SUMF1: variants seen among roughly 807,000 people sequenced by gnomAD.
SUMF1 encodes the protein formylglycine-generating enzyme.
Under a neutral mutation model 47.6 loss-of-function variants are expected in SUMF1, and 48 were observed. That is an observed-to-expected ratio of 1.01 (90% CI 0.80 to 1.28). SUMF1 has a LOEUF of 1.28. SUMF1 is among the 50% of genes most tolerant of loss of function. The pLI, the probability that SUMF1 is intolerant of heterozygous loss-of-function variation, is 0.00. For synonymous variants in SUMF1, 230 were observed against 192.1 expected, an observed-to-expected ratio of 1.20 and a Z score of -1.63; for missense variants, 571 against 485.4, an observed-to-expected ratio of 1.18 and a Z score of -1.66.
intron 8 of SUMF1, among the ~76,000 whole-genome samples, chr3:4,217,523 T>TATATA (rs1553610087): frequency 2.1e-5 from 1 of 48,614 alleles, no homozygotes; most frequent in East Asian, 7.0e-4. Flanking sequence ...TTTATATATA[T>TATATA]ATATATATAT....
chr3:4,467,106 G>C lies in SUMF1; in HGVS notation c.140C>G (p.Ala47Gly), dbSNP rs779961693. 3.8e-6 allele frequency: 6 copies of C among 1,562,584 alleles called. No individual in the cohort carries two copies. The highest frequency in any genetic ancestry group is 1.9e-5 in the Admixed American group (1 of 52,734). ...AGTGAGAGSL[A>G]GSCGCGTPQR... Reference sequence around the variant, plus strand: ...GGGCGTGCCGCAGCCGCAAGAACCCGCAAGGGACCCCGCGCCCGCACCGGT... The same window carrying C: ...GGGCGTGCCGCAGCCGCAAGAACCCCCAAGGGACCCCGCGCCCGCACCGGT... The change falls in exon 1 of 9, where the codon GCG (alanine) becomes GGG (glycine). Residue 47 changes from alanine to glycine, a missense_variant. Ala to Gly is a moderately conservative substitution (Grantham distance 60). Coordinates refer to ENST00000272902, the MANE Select transcript of SUMF1 (RefSeq NM_182760.4).
intron 8 of SUMF1, among the ~76,000 whole-genome samples, chr3:4,260,463 C>G (rs1479197691): frequency 6.6e-6 from 1 of 152,126 alleles, no homozygotes; most frequent in Non-Finnish European, 1.5e-5. Flanking sequence ...AATATGTAAG[C>G]CAATCTACAT....
At chr3:4,465,420 A>C (rs2079917116) in intron 1 of SUMF1, among the ~76,000 whole-genome samples, 1 of 152,102 alleles carries the variant, frequency 6.6e-6, no homozygotes, top group Non-Finnish European at 1.5e-5. Context: ...TGGAGATTGC[A>C]GTGAGCGGAG....
At chr3:4,233,704 G>A (rs1413664785) in intron 8 of SUMF1, among the ~76,000 whole-genome samples, 1 of 152,126 alleles carries the variant, frequency 6.6e-6, no homozygotes, top group Non-Finnish European at 1.5e-5. Context: ...GATGTGAAAT[G>A]CTATTACAGA....
At chr3:4,197,303 C>T (rs147548880) in intron 8 of SUMF1, among the ~76,000 whole-genome samples, 2 of 152,084 alleles carry the variant, frequency 1.3e-5, no homozygotes, top group African/African-American at 4.8e-5. Context: ...TTTGTACAGA[C>T]AATGTTTCAC....
chr3:4,315,575 T>G (rs1197109218), intron 8 of SUMF1, among the ~76,000 whole-genome samples: 1 of 152,068 alleles, frequency 6.6e-6, no homozygotes, highest in African/African-American at 2.4e-5. Context: ...AAGGTAAGAG[T>G]CAAAGAGTCT....
intron 8 of SUMF1, among the ~76,000 whole-genome samples, chr3:4,074,433 G>C (rs1310861206): frequency 5.3e-4 from 81 of 152,036 alleles, no homozygotes; most frequent in Non-Finnish European, 2.5e-4. Context: ...AGAAGAACTA[G>C]AGAAGCAAGA....
intron 8 of SUMF1, among the ~76,000 whole-genome samples, chr3:4,197,628 G>A (rs779734523): frequency 8.5e-5 from 13 of 152,238 alleles, no homozygotes; most frequent in Middle Eastern, 3.4e-3. Context: ...AAGGAATGGC[G>A]GAGGATGCTA....
At chr3:4,040,580 T>G (rs1694890631) in intron 9 of SUMF1, among the ~76,000 whole-genome samples, 1 of 152,184 alleles carries the variant, frequency 6.6e-6, no homozygotes, top group South Asian at 2.1e-4. Context: ...CAAGCCAGTC[T>G]AAATAGAAGG....
chr3:4,246,115 A>G (rs137905647), intron 8 of SUMF1, among the ~76,000 whole-genome samples: 60 of 152,278 alleles, frequency 3.9e-4, no homozygotes, highest in African/African-American at 1.4e-3. Flanking sequence ...GAACATGAGA[A>G]AAGTGCCGTA....
chr3:4,381,737 T>C (rs917364005), intron 7 of SUMF1, among the ~76,000 whole-genome samples: 1 of 152,124 alleles, frequency 6.6e-6, no homozygotes. Context: ...GAAAGAGTAA[T>C]AGAATATCAC....
chr3:4,171,681 C>A lies in SUMF1; in HGVS notation c.1015-102936G>T, dbSNP rs73806921. ...CCTGGCCCAAAAGGCTTCAAACTAA[C>A]AGCAAGTTTTAAAGAATGACTGATG... On this transcript the variant is annotated intron_variant and NMD_transcript_variant, in intron 8 of 12. Coordinates refer to the SUMF1 transcript ENST00000448413. 4.2e-3 allele frequency among the ~76,000 whole-genome samples: 640 copies of A among 152,218 alleles called. 6 individuals are homozygous for A. Among genetic ancestry groups the A allele is most frequent in the African/African-American group, 0.015 (607 of 41,542 alleles).
chr3:4,214,217 C>T (rs781632511), intron 8 of SUMF1, among the ~76,000 whole-genome samples: 4 of 152,140 alleles, frequency 2.6e-5, no homozygotes, highest in African/African-American at 4.8e-5. Context: ...GTCTCTCAGA[C>T]CACAGTGCAA....
intron 9 of SUMF1, among the ~76,000 whole-genome samples, chr3:4,066,656 C>A (rs562746149): frequency 1.8e-4 from 27 of 151,792 alleles, no homozygotes; most frequent in African/African-American, 6.3e-4. Flanking sequence ...CTATATACAC[C>A]CCCAACCCCA....
In SUMF1 at chr3:4,144,757, C is replaced by T. The variant is rs546212643; in HGVS notation, c.1015-76012G>A. ...GAGTTTTTCTTACCATTAGGTTTCA[C>T]GTAATTTCAGTTATAAGTAAGTTTT... On this transcript the variant is annotated intron_variant and NMD_transcript_variant, in intron 8 of 12. Coordinates refer to the SUMF1 transcript ENST00000448413. Among the ~76,000 whole-genome samples the T allele has an allele frequency of 5.3e-5, 8 of 152,142 alleles. No individual in the cohort carries two copies. The East Asian group carries it at 5.8e-4, about 11-fold the overall frequency.
chr3:4,158,873 T>C (rs1694511741), intron 8 of SUMF1, among the ~76,000 whole-genome samples: 1 of 151,570 alleles, frequency 6.6e-6, no homozygotes, highest in African/African-American at 2.4e-5. Flanking sequence ...GTGTGTGCCT[T>C]TATATGTGAA....
At chr3:4,128,705 T>C (rs2125084664) in intron 8 of SUMF1, among the ~76,000 whole-genome samples, 1 of 151,852 alleles carries the variant, frequency 6.6e-6, no homozygotes, top group East Asian at 1.9e-4. Context: ...TAAATTAGAG[T>C]TTATATAAAT....
intron 8 of SUMF1, among the ~76,000 whole-genome samples, chr3:4,355,233 G>A (rs1335360251): frequency 1.3e-5 from 2 of 152,160 alleles, no homozygotes; most frequent in Non-Finnish European, 2.9e-5. Context: ...GCATGTGCCT[G>A]TAGTCCCAGA....
At chr3:4,080,939 G>A (rs1297546859) in intron 8 of SUMF1, among the ~76,000 whole-genome samples, 1 of 152,048 alleles carries the variant, frequency 6.6e-6, no homozygotes, top group African/African-American at 2.4e-5. Flanking sequence ...GTGACCATGA[G>A]CAAGTCATTA....
Sources: gnomAD v4.1 joint callset for allele counts (sites outside exome capture counted in the v4.1 genomes callset) on GRCh38, gnomAD v4.1.1 for gene constraint, MANE v1.5 for transcripts, NCBI Gene and HGNC (gene_info 2026-07-23, HGNC 2026-07-21) for gene names.